The following HECW1 variants were observed in gnomAD, a reference collection of about 807,000 sequenced individuals.
HECW1 encodes E3 ubiquitin-protein ligase HECW1.
In HECW1, 61 loss-of-function variants were observed where a neutral mutation model predicts 182.3. The observed-to-expected ratio is 0.33, with a 90% CI of 0.27 to 0.41. The LOEUF is 0.41. Among genes scored for constraint, HECW1 ranks in the 10% least tolerant of loss-of-function variants. HECW1 has a pLI of 1.00. For synonymous variants in HECW1, 859 were observed against 832.6 expected (o/e 1.03, Z -0.55); for missense variants, 1,739 against 2,108.9 (o/e 0.82, Z 3.44).
chr7:43,498,794 C>T (rs577706725), intron 19 of HECW1, among the ~76,000 whole-genome samples: 1 of 152,170 alleles, frequency 6.6e-6, no homozygotes, highest in African/African-American at 2.4e-5. Flanking sequence ...TAATCCCATT[C>T]TGTCTATCTT....
intron 6 of HECW1, among the ~76,000 whole-genome samples, chr7:43,387,644 T>C (rs1469682374): frequency 5.9e-5 from 9 of 152,188 alleles, no homozygotes; most frequent in Admixed American, 5.2e-4. Flanking sequence ...CCAATGCTTT[T>C]TGTTGGTTTT....
chr7:43,462,941 T>C (rs1008624300), intron 13 of HECW1, among the ~76,000 whole-genome samples: 1 of 152,256 alleles, frequency 6.6e-6, no homozygotes, highest in Non-Finnish European at 1.5e-5. Flanking sequence ...GCTGGAGTTA[T>C]GGCTTCTGTC....
intron 2 of HECW1, among the ~76,000 whole-genome samples, chr7:43,178,490 G>A (rs1792485707): frequency 6.6e-6 from 1 of 152,214 alleles, no homozygotes; most frequent in African/African-American, 2.4e-5. Flanking sequence ...ATGAAAGAAA[G>A]TGCCAAATAT....
intron 26 of HECW1, among the ~76,000 whole-genome samples, chr7:43,545,896 T>A (rs964149963): frequency 6.6e-6 from 1 of 152,148 alleles, no homozygotes; most frequent in Admixed American, 6.5e-5. Flanking sequence ...ATAATTTCTG[T>A]CGTTTTTGCT....
chr7:43,186,592 C>CT (rs1793426665), intron 2 of HECW1, among the ~76,000 whole-genome samples: 1 of 150,820 alleles, frequency 6.6e-6, no homozygotes, highest in Admixed American at 6.7e-5. Context: ...TGGCATGAAC[C>CT]TGGAAGGCAG....
At chr7:43,466,595 C>A in intron 15 of HECW1, 27 bp downstream of exon 15, 1 of 1,604,562 alleles carries the variant, frequency 6.2e-7, no homozygotes, top group Non-Finnish European at 8.5e-7. Context: ...GCAGAGGGGG[C>A]GGCCTGGCTC....
chr7:43,273,227 C>G (rs1274826043), intron 3 of HECW1, among the ~76,000 whole-genome samples: 1 of 152,068 alleles, frequency 6.6e-6, no homozygotes, highest in Admixed American at 6.6e-5. Flanking sequence ...GTACAATGCT[C>G]AGTACCTGGT....
intron 3 of HECW1, among the ~76,000 whole-genome samples, chr7:43,246,118 G>A (rs1799356035): frequency 6.7e-6 from 1 of 148,948 alleles, no homozygotes; most frequent in African/African-American, 2.6e-5. Flanking sequence ...GAGCCATAGG[G>A]AGATCCCATT....
rs374061853 is a variant in HECW1, at chr7:43,444,499, G to A, written c.1327G>A (p.Ala443Thr). ...ACCTGAAGGGGCTGGGGAGCTCCTG[G>A]CCCAGGTGCAAAAGGACATCCAGCC... The part of the protein sequence containing the change: ...VGPEGAGELL[A>T]QVQKDIQPAP... Residue 443 changes from alanine (A) to threonine (T), a missense_variant, in exon 11 of 30, where the codon GCC becomes ACC. Physicochemically the swap from Ala to Thr is moderately conservative, Grantham distance 58. Around this residue, in one of 5 missense-constraint regions of HECW1, gnomAD observed 971 missense variants for 1,029.1 expected, o/e 0.94. Coordinates refer to ENST00000395891, the MANE Select transcript of HECW1 (RefSeq NM_015052.5). This position sits in a 1 kb window ranked among gnomAD's most constrained non-coding sequence, Gnocchi z 4.3. 94 of 1,612,402 alleles carry A rather than the reference G, an allele frequency of 5.8e-5. No homozygotes were observed. The highest frequency in any genetic ancestry group is 7.8e-5 in the Non-Finnish European group (92 of 1,179,374).
chr7:43,134,837 T>C (rs1227926515), intron 2 of HECW1, among the ~76,000 whole-genome samples: 1 of 152,242 alleles, frequency 6.6e-6, no homozygotes, highest in Non-Finnish European at 1.5e-5. Flanking sequence ...CATGGAGAAG[T>C]CTGAGGGCAG....
At chr7:43,357,039 A>G (rs1475832586) in intron 5 of HECW1, among the ~76,000 whole-genome samples, 1 of 152,196 alleles carries the variant, frequency 6.6e-6, no homozygotes, top group Admixed American at 6.5e-5. Context: ...AACCACAATG[A>G]GTTATCATTC....
intron 2 of HECW1, among the ~76,000 whole-genome samples, chr7:43,121,232 T>C (rs1370440166): frequency 1.3e-5 from 2 of 152,150 alleles, no homozygotes; most frequent in African/African-American, 4.8e-5. Flanking sequence ...CAATTATTGT[T>C]GAGTTGAATC....
rs1584523113 is a variant in HECW1, at chr7:43,336,106, C to T, written c.460+15364C>T. The stretch of plus-strand genomic sequence containing the variant: ...CTTTCTTTCTCTTTCTTTCTTTCTT[C>T]TTTCTTTCTTTCTTTCTTTCTCTCT... On this transcript the variant is annotated intron_variant, in intron 5 of 29. Coordinates refer to ENST00000395891, the MANE Select transcript of HECW1 (RefSeq NM_015052.5). Among the ~76,000 whole-genome samples, 10 of 93,656 alleles carry T rather than the reference C, an allele frequency of 1.1e-4. No individual in the cohort carries two copies. The East Asian group carries it at 1.8e-3, about 17-fold the overall frequency. The allele number at this position is 93,656 out of a possible 152,430, so 61.4% of individuals were successfully genotyped here.
At chr7:43,272,233 C>T (rs1802493881) in intron 3 of HECW1, among the ~76,000 whole-genome samples, 1 of 152,014 alleles carries the variant, frequency 6.6e-6, no homozygotes, top group South Asian at 2.1e-4. Flanking sequence ...CTATAAGAAT[C>T]CTAGAAGAAA....
intron 29 of HECW1, among the ~76,000 whole-genome samples, chr7:43,556,842 A>G (rs2082043963): frequency 6.6e-6 from 1 of 152,136 alleles, no homozygotes; most frequent in Non-Finnish European, 1.5e-5. Flanking sequence ...ATACACATTA[A>G]TATTATTAAC....
intron 6 of HECW1, among the ~76,000 whole-genome samples, chr7:43,375,807 T>C (rs1036958196): frequency 1.3e-5 from 2 of 149,778 alleles, no homozygotes; most frequent in Non-Finnish European, 3.0e-5. Context: ...GTGAGAGGAT[T>C]GCTTGAGCCC....
At chr7:43,172,649 C>T (rs2152668591) in intron 2 of HECW1, among the ~76,000 whole-genome samples, 1 of 152,226 alleles carries the variant, frequency 6.6e-6, no homozygotes, top group East Asian at 1.9e-4. Flanking sequence ...GGGTTCAGCC[C>T]TTTCTGCCCT....
chr7:43,259,963 C>A lies in HECW1; in HGVS notation c.27+16031C>A, dbSNP rs952178985. 5.9e-5 allele frequency among the ~76,000 whole-genome samples: 9 copies of A among 152,130 alleles called. No individual in the cohort carries two copies. The East Asian group carries it at 1.3e-3, about 23-fold the overall frequency. On this transcript the variant is annotated intron_variant, in intron 3 of 29. Transcript: ENST00000395891. Reference sequence around the variant, plus strand: ...AATATCAATCTATAGATTCAAGAATCTCAGTGAATTCTAAGTAGTAGAGAC... The same window carrying A: ...AATATCAATCTATAGATTCAAGAATATCAGTGAATTCTAAGTAGTAGAGAC...
chr7:43,204,795 A>G (rs1259749113), intron 2 of HECW1, among the ~76,000 whole-genome samples: 2 of 152,310 alleles, frequency 1.3e-5, no homozygotes, highest in East Asian at 3.9e-4. Context: ...TGGAGGAGAA[A>G]CAAAAGTCTC....
Sources: allele counts gnomAD v4.1 joint callset (sites outside exome capture counted in the v4.1 genomes callset), GRCh38; gene constraint gnomAD v4.1.1; regional missense constraint gnomAD v4.1.1; non-coding constraint Gnocchi (gnomAD v3.1); transcripts MANE v1.5; gene names NCBI Gene and HGNC (gene_info 2026-07-23, HGNC 2026-07-21).